HEATR5B: variants seen among roughly 807,000 people sequenced by gnomAD.
HEATR5B encodes the protein HEAT repeat-containing protein 5B.
A neutral mutation model predicts 224.1 loss-of-function variants in HEATR5B; 156 were observed. That is an observed-to-expected ratio of 0.70 (90% CI 0.61 to 0.80). The LOEUF is 0.80. Among genes scored for constraint, HEATR5B ranks in the 30% least tolerant of loss-of-function variants. The probability of loss-of-function intolerance (pLI) is 0.00; values close to 1 mark genes in which losing one functional copy is unlikely to be tolerated. For synonymous variants in HEATR5B, 1,027 were observed against 893.0 expected (o/e 1.15, Z -2.68); for missense variants, 2,323 against 2,535.5 (o/e 0.92, Z 1.80).
Position 36,981,125 on chromosome 2 carries a change from T to A in HEATR5B, c.*365A>T, listed in dbSNP as rs1665553578. ...CTTGTTTTTCAATTGATTTTTTTCA[T>A]GACAGATGCTGAGTTCTGACCCATT... On this transcript the variant is annotated 3_prime_UTR_variant, in exon 36 of 36. Coordinates refer to ENST00000233099, the MANE Select transcript of HEATR5B (RefSeq NM_019024.3). The A allele has an allele frequency of 6.0e-6, 1 of 167,230 alleles. No individual in the cohort carries two copies. Among genetic ancestry groups the A allele is most frequent in the South Asian group, 2.0e-4 (1 of 5,104 alleles). 10.4% of individuals were successfully genotyped at this position (167,230 alleles called of 1,614,324 possible).
chr2:37,015,085 G>C (rs150574126), intron 26 of HEATR5B, among the ~76,000 whole-genome samples: 115 of 152,220 alleles, frequency 7.6e-4, no homozygotes, highest in Middle Eastern at 3.4e-3. Flanking sequence ...CTGTAATATG[G>C]GACACTTAAA....
intron 20 of HEATR5B, among the ~76,000 whole-genome samples, chr2:37,039,550 A>C (rs1324733807): frequency 6.6e-6 from 1 of 152,244 alleles, no homozygotes; most frequent in African/African-American, 2.4e-5. Context: ...AAAAGTTCTT[A>C]ACCTCTCTCA....
intron 6 of HEATR5B, among the ~76,000 whole-genome samples, chr2:37,070,685 ATAC>A (rs1671852942): frequency 6.6e-6 from 1 of 152,236 alleles, no homozygotes; most frequent in Non-Finnish European, 1.5e-5. Context: ...CCCACAGCAG[ATAC>A]TACTAACTGA....
chr2:37,050,177 C>T (rs925806473), intron 17 of HEATR5B, among the ~76,000 whole-genome samples: 4 of 152,106 alleles, frequency 2.6e-5, no homozygotes, highest in African/African-American at 9.7e-5. Flanking sequence ...ACAGGCGCAC[C>T]TGGCCTCGCA....
intron 27 of HEATR5B, among the ~76,000 whole-genome samples, chr2:37,011,079 A>G (rs1667755783): frequency 6.6e-6 from 1 of 152,164 alleles, no homozygotes; most frequent in African/African-American, 2.4e-5. Flanking sequence ...CTTCTAGTAC[A>G]CTCTACCCAG....
chr2:37,008,540 T>C, intron 28 of HEATR5B, 71 bp downstream of exon 28: 1 of 1,041,848 alleles, frequency 9.6e-7, no homozygotes, highest in Non-Finnish European at 1.5e-6. Context: ...GTTGCTAGTC[T>C]ATACCGTCTC....
intron 5 of HEATR5B, 86 bp downstream of exon 5, chr2:37,075,399 T>A: frequency 3.2e-6 from 3 of 933,506 alleles, no homozygotes; most frequent in Non-Finnish European, 4.4e-6. Flanking sequence ...AAAACATAAT[T>A]TAAAATTTTA....
intron 10 of HEATR5B, among the ~76,000 whole-genome samples, chr2:37,063,374 A>G (rs923704907): frequency 6.6e-6 from 1 of 152,200 alleles, no homozygotes; most frequent in African/African-American, 2.4e-5. Context: ...GTCTAATTAG[A>G]GCAACAGGAA....
chr2:37,004,809 C>T (rs1419004100), intron 30 of HEATR5B, among the ~76,000 whole-genome samples: 1 of 151,924 alleles, frequency 6.6e-6, no homozygotes, highest in Non-Finnish European at 1.5e-5. Context: ...GCTATTTATC[C>T]TCAAGCTTCC....
intron 34 of HEATR5B, 53 bp downstream of exon 34, chr2:36,990,595 T>G: frequency 7.0e-7 from 1 of 1,429,152 alleles, no homozygotes; most frequent in South Asian, 1.5e-5. Flanking sequence ...AATCTGACAT[T>G]TTCCTGATAA....
Position 37,079,239 on chromosome 2 carries a change from A to G in HEATR5B, c.219T>C (p.Ala73=), listed in dbSNP as rs746903279. Residue 73 remains alanine, a synonymous_variant, in exon 3 of 36, where the codon GCT becomes GCC. Transcript: ENST00000233099. ...SPGPPTRKLL[A]KNLAALYSIG... is the part of the protein sequence containing the mutation. ...TGCTATAAAGGGCTGCGAGATTTTT[A>G]GCTAATAATTTTCGTGTAGGTGGTC... The G allele has an allele frequency of 2.2e-5, 36 of 1,610,640 alleles. 2 individuals are homozygous for G. In the South Asian group the frequency reaches 3.7e-4, roughly 17 times the overall value.
chr2:37,043,028 G>A (rs1431448633), intron 18 of HEATR5B, among the ~76,000 whole-genome samples: 1 of 152,010 alleles, frequency 6.6e-6, no homozygotes, highest in Non-Finnish European at 1.5e-5. Flanking sequence ...ATTAACAGCA[G>A]AAATAATAGC....
At chr2:37,069,666 T>C (rs949886226) in intron 7 of HEATR5B, among the ~76,000 whole-genome samples, 1 of 152,160 alleles carries the variant, frequency 6.6e-6, no homozygotes, top group South Asian at 2.1e-4. Flanking sequence ...TTAAGCAAAA[T>C]GTAGGAACTT....
At chr2:36,998,110 G>T (rs926852451) in intron 33 of HEATR5B, among the ~76,000 whole-genome samples, 4 of 152,060 alleles carry the variant, frequency 2.6e-5, no homozygotes, top group Admixed American at 2.0e-4. Flanking sequence ...TGATTCTTGG[G>T]CCTACTCCAC....
chr2:37,029,057 G>A (rs922730937), intron 22 of HEATR5B, 137 bp from the exon 23 acceptor site: 8 of 733,952 alleles, frequency 1.1e-5, no homozygotes, highest in Non-Finnish European at 1.8e-5. Context: ...ATTTAACTAT[G>A]GCCTCTAGTT....
chr2:36,990,665 T>G lies in HEATR5B; in HGVS notation c.5680A>C (p.Asn1894His), dbSNP rs1246312712. 1.3e-6 allele frequency: 2 copies of G among 1,593,520 alleles called. No individual in the cohort carries two copies. The highest frequency in any genetic ancestry group is 1.7e-6 in the Non-Finnish European group (2 of 1,169,910). The change falls in exon 34 of 36, where the codon AAT (asparagine) becomes CAT (histidine). Residue 1894 changes from asparagine to histidine, a missense_variant. Asn to His is a moderately conservative substitution (Grantham distance 68). This residue lies in a region of HEATR5B where 844 missense variants were observed against 812.9 expected (regional missense o/e 1.04). Coordinates refer to ENST00000233099, the MANE Select transcript of HEATR5B (RefSeq NM_019024.3). ...TAACTTACCCATGGGTCGCATGAAT[T>G]TAATGCATTTTTAAATCTGTTCATG... ...GCMNRFKNALNSCDPWVQAKC... is the reference protein window; with the variant it reads ...GCMNRFKNALHSCDPWVQAKC...
At chr2:36,995,423 A>G (rs1234271721) in intron 33 of HEATR5B, among the ~76,000 whole-genome samples, 2 of 152,152 alleles carry the variant, frequency 1.3e-5, no homozygotes, top group African/African-American at 4.8e-5. Flanking sequence ...ATATATAAAT[A>G]TGGCTTTTAA....
intron 24 of HEATR5B, among the ~76,000 whole-genome samples, chr2:37,023,331 A>T (rs1273631321): frequency 6.6e-6 from 1 of 152,214 alleles, no homozygotes; most frequent in Non-Finnish European, 1.5e-5. Flanking sequence ...AAGCAGTGAC[A>T]TATCTATGGT....
In HEATR5B at chr2:37,060,653, C is replaced by G; in HGVS notation, c.1777G>C (p.Glu593Gln). The change falls in exon 12 of 36, where the codon GAA becomes CAA. Residue 593 changes from glutamate to glutamine, a missense_variant. By Grantham distance (29) the Glu-to-Gln change is conservative. Around this residue, in one of 12 missense-constraint regions of HEATR5B, gnomAD observed 502 missense variants for 517.8 expected, o/e 0.97. Transcript: ENST00000233099. ...NVFPRSLKEL[E>Q]AEKARGDSFT... ...GAATCGCCTCGGGCCTTCTCAGCTT[C>G]CAATTCCTTTAAGGAACGTGGGAAA... 2 of 1,614,048 alleles carry G rather than the reference C, an allele frequency of 1.2e-6. No individual in the cohort carries two copies. The highest frequency in any genetic ancestry group is 1.7e-6 in the Non-Finnish European group (2 of 1,179,960).
Sources: gnomAD v4.1 joint callset for allele counts (sites outside exome capture counted in the v4.1 genomes callset) on GRCh38, gnomAD v4.1.1 for gene constraint, gnomAD v4.1.1 regional missense constraint, MANE v1.5 for transcripts, NCBI Gene and HGNC (gene_info 2026-07-23, HGNC 2026-07-21) for gene names.